The following UBE3D variants were observed in gnomAD, a reference collection of about 807,000 sequenced individuals.
UBE3D encodes ubiquitin protein ligase E3D, also known as E3 ubiquitin-protein ligase E3D.
Under a neutral mutation model 49.6 loss-of-function variants are expected in UBE3D, and 48 were observed. The observed-to-expected ratio is 0.97, with a 90% CI of 0.77 to 1.23. The LOEUF (loss-of-function observed/expected upper bound fraction) is 1.23, where lower values mean the gene tolerates loss of function less well. Among genes scored for constraint, UBE3D ranks in the 50% most tolerant of loss-of-function variants. UBE3D has a pLI of 0.00. For synonymous variants in UBE3D, 189 were observed against 174.2 expected (o/e 1.08, Z -0.67); for missense variants, 452 against 468.4 (o/e 0.96, Z 0.32).
At chr6:82,969,401 GT>G (rs1562134443) in intron 8 of UBE3D, among the ~76,000 whole-genome samples, 1 of 152,112 alleles carries the variant, frequency 6.6e-6, no homozygotes, top group Non-Finnish European at 1.5e-5. Context: ...CAGCTCAGGA[GT>G]TTGAAACCAA....
intron 9 of UBE3D, among the ~76,000 whole-genome samples, chr6:82,903,530 C>T (rs967756860): frequency 6.6e-6 from 1 of 152,040 alleles, no homozygotes; most frequent in Non-Finnish European, 1.5e-5. Context: ...TGAATCAGTT[C>T]AGTAAAAACG....
intron 9 of UBE3D, among the ~76,000 whole-genome samples, chr6:82,925,527 A>G (rs1257614931): frequency 6.6e-6 from 1 of 152,178 alleles, no homozygotes; most frequent in Non-Finnish European, 1.5e-5. Context: ...AACATGGGGA[A>G]TCCATCCTAT....
chr6:82,931,007 C>A (rs1359584888), intron 9 of UBE3D, among the ~76,000 whole-genome samples: 1 of 152,148 alleles, frequency 6.6e-6, no homozygotes, highest in Non-Finnish European at 1.5e-5. Flanking sequence ...TTTCGTGGGC[C>A]AGGCCCAGGG....
At chr6:82,966,974 T>C (rs1459658620) in intron 8 of UBE3D, among the ~76,000 whole-genome samples, 3 of 152,234 alleles carry the variant, frequency 2.0e-5, no homozygotes, top group Admixed American at 6.5e-5. Flanking sequence ...CTCTATACTA[T>C]GTAGTTCACC....
At chr6:82,917,677 G>A (rs1353758218) in intron 9 of UBE3D, among the ~76,000 whole-genome samples, 2 of 152,218 alleles carry the variant, frequency 1.3e-5, no homozygotes, top group East Asian at 3.8e-4. Context: ...CACAAACCTG[G>A]AATGGGAACT....
intron 4 of UBE3D, among the ~76,000 whole-genome samples, chr6:83,044,051 T>A (rs1342348219): frequency 6.6e-6 from 1 of 152,250 alleles, no homozygotes; most frequent in Non-Finnish European, 1.5e-5. Context: ...CTCAGCCTAA[T>A]AGTATAGTAG....
chr6:82,958,374 T>C (rs1023570449), intron 8 of UBE3D, among the ~76,000 whole-genome samples: 3 of 152,166 alleles, frequency 2.0e-5, no homozygotes, highest in East Asian at 1.9e-4. Flanking sequence ...GATATATGTA[T>C]ATAATATTTA....
intron 9 of UBE3D, among the ~76,000 whole-genome samples, chr6:82,931,269 G>A (rs933560352): frequency 6.6e-6 from 1 of 152,242 alleles, no homozygotes; most frequent in Non-Finnish European, 1.5e-5. Flanking sequence ...TGCAGGGGTG[G>A]AGCCCTCATG....
At chr6:83,018,802 A>C in intron 8 of UBE3D, 171 bp downstream of exon 8, 1 of 715,556 alleles carries the variant, frequency 1.4e-6, no homozygotes, top group Non-Finnish European at 2.2e-6. Context: ...AACATGAATC[A>C]TCTGTAATAA....
chr6:83,024,362 C>A (rs1157463241), intron 5 of UBE3D, among the ~76,000 whole-genome samples: 1 of 152,140 alleles, frequency 6.6e-6, no homozygotes, highest in Non-Finnish European at 1.5e-5. Context: ...CTCAATTCTA[C>A]AGAATAGCTA....
intron 9 of UBE3D, among the ~76,000 whole-genome samples, chr6:82,943,419 T>C (rs1362540114): frequency 1.3e-5 from 2 of 152,138 alleles, no homozygotes; most frequent in Non-Finnish European, 2.9e-5. Context: ...GAGAATTGCT[T>C]GGGCCCAGGA....
intron 9 of UBE3D, among the ~76,000 whole-genome samples, chr6:82,955,597 C>T (rs1776104743): frequency 6.6e-6 from 1 of 152,128 alleles, no homozygotes; most frequent in African/African-American, 2.4e-5. Context: ...TATGGATAGA[C>T]AGAATTTTAA....
chr6:82,910,287 A>G (rs1346629562), intron 9 of UBE3D, among the ~76,000 whole-genome samples: 2 of 152,170 alleles, frequency 1.3e-5, no homozygotes, highest in African/African-American at 4.8e-5. Context: ...ATATCTCTCT[A>G]TGAGGTCTTG....
At chr6:82,989,706 T>C (rs1042593277) in intron 8 of UBE3D, among the ~76,000 whole-genome samples, 17 of 152,178 alleles carry the variant, frequency 1.1e-4, no homozygotes, top group African/African-American at 4.1e-4. Context: ...TAAGGACACT[T>C]TGAAAGGGAA....
chr6:82,925,668 ATGC>A (rs1315221676), intron 9 of UBE3D, among the ~76,000 whole-genome samples: 2 of 152,132 alleles, frequency 1.3e-5, no homozygotes, highest in African/African-American at 2.4e-5. Flanking sequence ...TCTTGGCTGC[ATGC>A]TTAACTGCCC....
chr6:82,970,155 A>T (rs1247928788), intron 8 of UBE3D, among the ~76,000 whole-genome samples: 1 of 149,502 alleles, frequency 6.7e-6, no homozygotes, highest in Non-Finnish European at 1.5e-5. Flanking sequence ...CAATTTAAGG[A>T]CAGAAAAATT....
Position 82,957,345 on chromosome 6 carries a change from C to G in UBE3D, c.1116G>C (p.Leu372=). Residue 372 remains leucine, a synonymous_variant, in exon 9 of 10, where the codon CTG becomes CTC. Transcript: ENST00000369747. ...AATTCACACGGCGAAGGGATGAAGG[C>G]AGATTGGCATTACTCTTTGACAATA... The part of the protein sequence containing the change: ...LLILSKSNAN[L]PSSLRRVNSF... 6.2e-7 allele frequency: 1 copy of G among 1,614,038 alleles called. No homozygotes were observed. Among genetic ancestry groups the G allele is most frequent in the Non-Finnish European group, 8.5e-7 (1 of 1,179,998 alleles).
chr6:83,041,939 C>T (rs1230793627), intron 4 of UBE3D, among the ~76,000 whole-genome samples: 2 of 151,846 alleles, frequency 1.3e-5, no homozygotes, highest in Admixed American at 6.6e-5. Flanking sequence ...TAGACAGTGT[C>T]TCGCTCTGTC....
At chr6:82,999,964 TC>T (rs1779508401) in intron 8 of UBE3D, among the ~76,000 whole-genome samples, 1 of 152,224 alleles carries the variant, frequency 6.6e-6, no homozygotes, top group Non-Finnish European at 1.5e-5. Flanking sequence ...CTGACCTCTC[TC>T]TCAGCAGCGT....
Sources: gnomAD v4.1 joint callset for allele counts (sites outside exome capture counted in the v4.1 genomes callset) on GRCh38, gnomAD v4.1.1 for gene constraint, MANE v1.5 for transcripts, NCBI Gene and HGNC (gene_info 2026-07-23, HGNC 2026-07-21) for gene names.